Variants in PTPN20 observed in about 807,000 individuals in gnomAD.
PTPN20 encodes protein tyrosine phosphatase non-receptor type 20.
In PTPN20, 9 loss-of-function variants were observed where a neutral mutation model predicts 35.0. The observed-to-expected ratio is 0.26, with a 90% confidence interval of 0.15 to 0.45. PTPN20 has a LOEUF of 0.45. Ranked by LOEUF, PTPN20 falls within the 20% of genes least tolerant of loss-of-function variation. The pLI is 1.00. For missense variants in PTPN20, 111 were observed against 312.5 expected, an observed-to-expected ratio of 0.36 and a Z score of 4.86; for synonymous variants, 32 against 100.2, an observed-to-expected ratio of 0.32 and a Z score of 4.06.
At chr10:46,935,258 T>C (rs1331614517) in intron 2 of PTPN20, among the ~76,000 whole-genome samples, 2 of 139,682 alleles carry the variant, frequency 1.4e-5, no homozygotes, top group Non-Finnish European at 1.5e-5. Flanking sequence ...CTTAAGATAA[T>C]GGCCTCCAGC....
At chr10:46,998,267 A>G (rs1439366806) in intron 9 of PTPN20, among the ~76,000 whole-genome samples, 2 of 152,204 alleles carry the variant, frequency 1.3e-5, no homozygotes, top group African/African-American at 2.4e-5. Context: ...AGTGGCACAT[A>G]TCCACATCAT....
downstream of PTPN20, among the ~76,000 whole-genome samples, chr10:47,003,305 CT>C (rs1434192167): frequency 3.6e-4 from 54 of 149,790 alleles, 1 homozygote; most frequent in Admixed American, 2.7e-3. Context: ...AGAGCCCCCC[CT>C]ATTAACAAAA....
chr10:46,981,014 GC>G (rs2055183065), intron 7 of PTPN20, among the ~76,000 whole-genome samples: 1 of 147,896 alleles, frequency 6.8e-6, no homozygotes, highest in African/African-American at 2.4e-5. Flanking sequence ...TGGAGAAATG[GC>G]CAGACGTATA....
chr10:46,966,392 G>A (rs1331801014), intron 6 of PTPN20, among the ~76,000 whole-genome samples: 1,075 of 151,200 alleles, frequency 7.1e-3, no homozygotes, highest in African/African-American at 0.026. Context: ...TGCTTTTGGG[G>A]CTTCTGGGTT....
chr10:47,000,624 T>A, intron 10 of PTPN20, 52 bp from the exon 11 acceptor site: 1 of 1,599,472 alleles, frequency 6.3e-7, no homozygotes, highest in Non-Finnish European at 8.6e-7. Flanking sequence ...GAAAGTGGAT[T>A]CTGTTATTCA....
intron 7 of PTPN20, among the ~76,000 whole-genome samples, chr10:46,975,817 A>G (rs1231609286): frequency 2.0e-5 from 3 of 151,482 alleles, no homozygotes; most frequent in African/African-American, 7.3e-5. Context: ...ATGTGCCACC[A>G]CACCTGGCTA....
chr10:46,968,603 A>G (rs2051424045), intron 7 of PTPN20, among the ~76,000 whole-genome samples: 2 of 152,238 alleles, frequency 1.3e-5, no homozygotes, highest in South Asian at 2.1e-4. Context: ...ATCTCAGGCC[A>G]TTCAAAGAGC....
intron 4 of PTPN20, among the ~76,000 whole-genome samples, chr10:46,944,852 A>C (rs1344837954): frequency 6.8e-6 from 1 of 148,148 alleles, no homozygotes. Flanking sequence ...AAATTGATGT[A>C]CAACATAGTA....
intron 9 of PTPN20, among the ~76,000 whole-genome samples, chr10:46,996,830 A>G (rs1327053858): frequency 6.6e-6 from 1 of 152,136 alleles, no homozygotes; most frequent in Non-Finnish European, 1.5e-5. Context: ...TGTTCTATTG[A>G]TTAGTGTGTC....
intron 2 of PTPN20, among the ~76,000 whole-genome samples, chr10:46,933,410 G>A (rs1175601459): frequency 4.0e-5 from 6 of 151,722 alleles, no homozygotes; most frequent in African/African-American, 1.5e-4. Flanking sequence ...TCTTCAGAAC[G>A]TATTCATCTT....
chr10:46,983,729 C>G (rs1821101763), intron 7 of PTPN20, among the ~76,000 whole-genome samples: 1 of 139,038 alleles, frequency 7.2e-6, no homozygotes, highest in African/African-American at 3.0e-5. Flanking sequence ...AGTTTGGGGA[C>G]AGTGGTGGAA....
intron 3 of PTPN20, among the ~76,000 whole-genome samples, chr10:46,941,252 G>A (rs2043397569): frequency 6.8e-6 from 1 of 147,298 alleles, no homozygotes; most frequent in Non-Finnish European, 1.5e-5. Context: ...CGATGATGAT[G>A]CTGGCCTTGT....
At chr10:46,930,482 G>T (rs2039208244) in intron 1 of PTPN20, among the ~76,000 whole-genome samples, 1 of 148,010 alleles carries the variant, frequency 6.8e-6, no homozygotes, top group Non-Finnish European at 1.5e-5. Flanking sequence ...GTCATTCTTA[G>T]AGGTTCTTAG....
intron 2 of PTPN20, among the ~76,000 whole-genome samples, chr10:46,939,418 CA>C (rs1279342501): frequency 7.9e-6 from 1 of 126,568 alleles, no homozygotes; most frequent in Non-Finnish European, 1.6e-5. Context: ...TGATCTTAGC[CA>C]AAAGGCCGAG....
intron 1 of PTPN20, among the ~76,000 whole-genome samples, chr10:46,926,506 T>G (rs1257710280): frequency 1.9e-4 from 29 of 151,568 alleles, no homozygotes; most frequent in Middle Eastern, 3.4e-3. Flanking sequence ...GATGTTCAGG[T>G]AATGCTGTGT....
chr10:46,957,631 T>C (rs1460356984), intron 5 of PTPN20, among the ~76,000 whole-genome samples: 1 of 151,452 alleles, frequency 6.6e-6, no homozygotes, highest in African/African-American at 2.4e-5. Flanking sequence ...CTTGGGAGGC[T>C]GAGGCTGAGG....
At chr10:46,952,806 T>C (rs1310431108) in intron 5 of PTPN20, among the ~76,000 whole-genome samples, 1 of 151,908 alleles carries the variant, frequency 6.6e-6, no homozygotes, top group East Asian at 1.9e-4. Flanking sequence ...CGTTACTCCA[T>C]TGGAAAGCAG....
At chr10:46,954,103 G>A (rs1268754459) in intron 5 of PTPN20, among the ~76,000 whole-genome samples, 1 of 105,308 alleles carries the variant, frequency 9.5e-6, no homozygotes, top group Non-Finnish European at 1.8e-5. Flanking sequence ...TTTTTTTTGG[G>A]GGGGGGTGCT....
chr10:46,985,446 TATATTC>T (rs1555173383), intron 8 of PTPN20, among the ~76,000 whole-genome samples: 3 of 148,548 alleles, frequency 2.0e-5, no homozygotes, highest in Non-Finnish European at 3.0e-5. Flanking sequence ...GGGTTGAAAA[TATATTC>T]AATACAGTAA....
Sources: allele counts gnomAD v4.1 joint callset (sites outside exome capture counted in the v4.1 genomes callset), GRCh38; gene constraint gnomAD v4.1.1; transcripts MANE v1.5; gene names NCBI Gene and HGNC (gene_info 2026-07-23, HGNC 2026-07-21).